Variants in NELL1 observed in about 807,000 individuals in gnomAD.
NELL1 encodes the protein neural EGFL like 1.
Under a neutral mutation model 107.4 loss-of-function variants are expected in NELL1, and 76 were observed. The ratio of observed to expected loss-of-function variants is 0.71; its 90% CI spans 0.59 to 0.86. The LOEUF (loss-of-function observed/expected upper bound fraction) is 0.86, where lower values mean the gene tolerates loss of function less well. Ranked by LOEUF, NELL1 falls within the 40% of genes least tolerant of loss-of-function variation. The pLI is 0.00. For synonymous variants in NELL1, 353 were observed against 341.2 expected, an observed-to-expected ratio of 1.03 and a Z score of -0.38; for missense variants, 1,024 against 1,005.5, an observed-to-expected ratio of 1.02 and a Z score of -0.25.
intron 15 of NELL1, among the ~76,000 whole-genome samples, chr11:21,425,315 G>A (rs571528307): frequency 6.6e-6 from 1 of 152,246 alleles, no homozygotes; most frequent in Admixed American, 6.5e-5. Context: ...CCATACCTAG[G>A]TAGGTATCAA....
intron 7 of NELL1, among the ~76,000 whole-genome samples, chr11:20,921,445 A>G (rs2134163642): frequency 6.6e-6 from 1 of 152,284 alleles, no homozygotes; most frequent in East Asian, 1.9e-4. Context: ...AAGAGAGTAG[A>G]TGGCAGAGCT....
intron 15 of NELL1, among the ~76,000 whole-genome samples, chr11:21,528,430 C>T (rs74347300): frequency 0.039 from 5,928 of 151,070 alleles, 387 homozygotes; most frequent in African/African-American, 0.14. Flanking sequence ...TGGCAGGAAT[C>T]GATTAGCTCC....
chr11:21,113,808 A>AT, intron 13 of NELL1, 94 bp downstream of exon 13: 1 of 1,297,558 alleles, frequency 7.7e-7, no homozygotes. Flanking sequence ...ACAAAGTACT[A>AT]TTTTTATCTA....
intron 15 of NELL1, among the ~76,000 whole-genome samples, chr11:21,494,043 A>C (rs1854908049): frequency 6.6e-6 from 1 of 151,968 alleles, no homozygotes; most frequent in Admixed American, 6.6e-5. Context: ...TTCTGTAGCT[A>C]AGCAATATAT....
At position 21,121,472 on chromosome 11, in the gene NELL1, G is replaced by A. The variant is rs909611538; in HGVS notation, c.1426+7758G>A. Among the ~76,000 whole-genome samples, 7 of 152,204 alleles carry A rather than the reference G, an allele frequency of 4.6e-5. No individual in the cohort carries two copies. In the South Asian group the frequency reaches 1.0e-3, roughly 23 times the overall value. ...CATTGCTGCTGCATTGCCTGAAAGC[G>A]CCCTAAAGACAAATGGAGCATATCT... On this transcript the variant is annotated intron_variant, in intron 13 of 19. Transcript: ENST00000357134.
chr11:20,778,918 C>A (rs907770547), intron 2 of NELL1, among the ~76,000 whole-genome samples: 1 of 151,962 alleles, frequency 6.6e-6, no homozygotes, highest in Non-Finnish European at 1.5e-5. Flanking sequence ...ACCAGCCCAC[C>A]CAGTTCCTGT....
chr11:20,833,267 G>GT (rs1858051896), intron 3 of NELL1, among the ~76,000 whole-genome samples: 1 of 151,630 alleles, frequency 6.6e-6, no homozygotes, highest in Non-Finnish European at 1.5e-5. Flanking sequence ...GTGGTATGTG[G>GT]TAAGACTTGA....
intron 14 of NELL1, among the ~76,000 whole-genome samples, chr11:21,343,033 C>T (rs1366457347): frequency 2.6e-5 from 4 of 152,112 alleles, no homozygotes; most frequent in Non-Finnish European, 4.4e-5. Flanking sequence ...AGACCTGTCG[C>T]TTGGACTATT....
At chr11:20,771,888 T>C (rs1031605782) in intron 2 of NELL1, among the ~76,000 whole-genome samples, 8 of 152,218 alleles carry the variant, frequency 5.3e-5, no homozygotes, top group Admixed American at 3.3e-4. Flanking sequence ...ATAATTAAAA[T>C]GAGACATCAT....
chr11:21,378,281 ATATATT>A (rs1312284298), intron 15 of NELL1, among the ~76,000 whole-genome samples: 5 of 142,854 alleles, frequency 3.5e-5, no homozygotes, highest in Non-Finnish European at 1.5e-5. Flanking sequence ...ATATATATAT[ATATATT>A]ATAGATAATC....
intron 2 of NELL1, among the ~76,000 whole-genome samples, chr11:20,725,824 AG>A (rs1170779191): frequency 2.6e-5 from 4 of 152,108 alleles, no homozygotes; most frequent in African/African-American, 9.7e-5. Context: ...TGTGATGCTG[AG>A]GTTTGAAGTA....
chr11:21,247,111 G>A (rs1387653271), intron 14 of NELL1, among the ~76,000 whole-genome samples: 1 of 152,184 alleles, frequency 6.6e-6, no homozygotes, highest in Non-Finnish European at 1.5e-5. Context: ...CATGACTGGA[G>A]CTTGCAGGAC....
intron 11 of NELL1, among the ~76,000 whole-genome samples, chr11:20,956,279 A>G (rs1851169425): frequency 6.6e-6 from 1 of 152,158 alleles, no homozygotes; most frequent in Non-Finnish European, 1.5e-5. Flanking sequence ...TTCTATTTGA[A>G]TCAGAGGCAG....
At chr11:20,873,891 G>A (rs1390140215) in intron 4 of NELL1, among the ~76,000 whole-genome samples, 1 of 151,502 alleles carries the variant, frequency 6.6e-6, no homozygotes. Flanking sequence ...AGCCTCCCCA[G>A]TAGCTTGGGC....
chr11:20,778,959 T>TTC, intron 2 of NELL1, among the ~76,000 whole-genome samples: 1 of 151,890 alleles, frequency 6.6e-6, no homozygotes, highest in African/African-American at 2.4e-5. Context: ...TCTGTTTTTT[T>TTC]TCTCTCTCTC....
At chr11:21,208,588 C>T (rs1437047960) in intron 13 of NELL1, among the ~76,000 whole-genome samples, 2 of 152,072 alleles carry the variant, frequency 1.3e-5, no homozygotes, top group Non-Finnish European at 1.5e-5. Context: ...CCTCTCTGCA[C>T]CTCTATCCTT....
intron 3 of NELL1, among the ~76,000 whole-genome samples, chr11:20,798,891 A>T (rs922721578): frequency 6.6e-6 from 1 of 152,226 alleles, no homozygotes; most frequent in East Asian, 1.9e-4. Flanking sequence ...GGCTAGGAAC[A>T]TTGGTGGATT....
chr11:21,301,324 T>C (rs897651440), intron 14 of NELL1, among the ~76,000 whole-genome samples: 2 of 152,166 alleles, frequency 1.3e-5, no homozygotes, highest in Non-Finnish European at 2.9e-5. Flanking sequence ...CGCCACACTG[T>C]CTTCCACAAT....
intron 9 of NELL1, among the ~76,000 whole-genome samples, chr11:20,932,583 G>A (rs536957685): frequency 1.3e-5 from 2 of 152,282 alleles, no homozygotes; most frequent in South Asian, 4.1e-4. Flanking sequence ...ACTCTGACAG[G>A]CACTGTGTTT....
Sources: gnomAD v4.1 joint callset for allele counts (sites outside exome capture counted in the v4.1 genomes callset) on GRCh38, gnomAD v4.1.1 for gene constraint, MANE v1.5 for transcripts, NCBI Gene and HGNC (gene_info 2026-07-23, HGNC 2026-07-21) for gene names.